The following HS6ST3 variants were observed in gnomAD, a reference collection of about 807,000 sequenced individuals.
HS6ST3 encodes the protein heparan sulfate 6-O-sulfotransferase 3.
HS6ST3 carries 12 observed loss-of-function variants against 36.7 expected under a neutral mutation model. The observed-to-expected ratio is 0.33, with a 90% CI of 0.21 to 0.53. The LOEUF (loss-of-function observed/expected upper bound fraction) is 0.53. HS6ST3 is among the 20% of genes least tolerant of loss of function. The pLI is 0.95. For synonymous variants in HS6ST3, 240 were observed against 257.5 expected (o/e 0.93, Z 0.65); for missense variants, 584 against 640.9 (o/e 0.91, Z 0.96).
At chr13:96,831,122 G>A (rs921755521) in intron 1 of HS6ST3, among the ~76,000 whole-genome samples, 1 of 152,260 alleles carries the variant, frequency 6.6e-6, no homozygotes, top group East Asian at 1.9e-4. Context: ...AATGCCTGCT[G>A]TTTCTCTTTC....
At chr13:96,596,505 G>GTA (rs941347628) in intron 1 of HS6ST3, among the ~76,000 whole-genome samples, 3 of 152,036 alleles carry the variant, frequency 2.0e-5, no homozygotes, top group Non-Finnish European at 4.4e-5. Context: ...ATCAAATGGT[G>GTA]TATCTATTTT....
chr13:96,559,377 C>T (rs9584384), intron 1 of HS6ST3, among the ~76,000 whole-genome samples: 14,915 of 152,078 alleles, frequency 0.098, 1,379 homozygotes, highest in African/African-American at 0.25. Context: ...CCTTGGCCTC[C>T]CAAAGTGCTA....
At chr13:96,478,096 G>T (rs1594789024) in intron 1 of HS6ST3, among the ~76,000 whole-genome samples, 1 of 152,112 alleles carries the variant, frequency 6.6e-6, no homozygotes, top group Non-Finnish European at 1.5e-5. Flanking sequence ...ATTAATATTT[G>T]CTCAGAGAGA....
chr13:96,561,227 GCTACACA>G (rs2056260837), intron 1 of HS6ST3, among the ~76,000 whole-genome samples: 2 of 152,080 alleles, frequency 1.3e-5, no homozygotes, highest in South Asian at 4.1e-4. Context: ...CAGAAATAAA[GCTACACA>G]CCCACAGCCA....
chr13:96,752,210 A>G (rs1382514205), intron 1 of HS6ST3, among the ~76,000 whole-genome samples: 2 of 152,138 alleles, frequency 1.3e-5, no homozygotes, highest in Non-Finnish European at 2.9e-5. Context: ...GGTTTCTAAC[A>G]TTTGTCCCTG....
chr13:96,285,984 C>T (rs2054800214), intron 1 of HS6ST3, among the ~76,000 whole-genome samples: 1 of 148,932 alleles, frequency 6.7e-6, no homozygotes, highest in South Asian at 2.2e-4. Context: ...TCCTCTTTCT[C>T]TCCCTCTTTC....
chr13:96,822,185 T>C (rs1252988310), intron 1 of HS6ST3, among the ~76,000 whole-genome samples: 1 of 152,184 alleles, frequency 6.6e-6, no homozygotes, highest in Non-Finnish European at 1.5e-5. Context: ...GAGACTGAAT[T>C]GGGCCTTATC....
At chr13:96,693,398 G>T (rs770310919) in intron 1 of HS6ST3, among the ~76,000 whole-genome samples, 1 of 152,038 alleles carries the variant, frequency 6.6e-6, no homozygotes, top group Non-Finnish European at 1.5e-5. Context: ...TCCACCTCCC[G>T]GGTTCAAGGA....
chr13:96,244,641 C>G (rs1234971865), intron 1 of HS6ST3, among the ~76,000 whole-genome samples: 1 of 152,162 alleles, frequency 6.6e-6, no homozygotes, highest in Non-Finnish European at 1.5e-5. Context: ...ATACTGTTTT[C>G]TTCACCTAGT....
intron 1 of HS6ST3, among the ~76,000 whole-genome samples, chr13:96,724,453 C>T (rs746410219): frequency 6.6e-6 from 1 of 152,158 alleles, no homozygotes; most frequent in African/African-American, 2.4e-5. Context: ...TCATTACAAT[C>T]AAGATACTGA....
chr13:96,485,460 C>T (rs1334568430), intron 1 of HS6ST3, among the ~76,000 whole-genome samples: 3 of 152,086 alleles, frequency 2.0e-5, no homozygotes, highest in Non-Finnish European at 4.4e-5. Context: ...CTGTAATTGT[C>T]TACAAGTTTC....
rs1203595829 is a variant in HS6ST3, at chr13:96,351,335, T to TTTTTTTTTTTTTTTTTTAAAA, written c.707+259766_707+259767insTTTTTTTTTTTTTTTTTAAAA. Among the ~76,000 whole-genome samples, 156 of 146,342 alleles carry TTTTTTTTTTTTTTTTTTAAAA rather than the reference T, an allele frequency of 1.1e-3. 3 individuals carry two copies. The highest frequency in any genetic ancestry group is 3.9e-3 in the African/African-American group (149 of 38,552). ...AGGTGGCAGTCTTTTTTTTTTTTTT[T>TTTTTTTTTTTTTTTTTTAAAA]AAAAAAAACAAGGTCTTGCTGGGTT... On this transcript the variant is annotated intron_variant, in intron 1 of 1. Coordinates refer to ENST00000376705, the MANE Select transcript of HS6ST3 (RefSeq NM_153456.4).
chr13:96,457,134 C>T (rs1411738351), intron 1 of HS6ST3, among the ~76,000 whole-genome samples: 1 of 152,074 alleles, frequency 6.6e-6, no homozygotes, highest in African/African-American at 2.4e-5. Context: ...AGAATCCCTG[C>T]TCTTATATTG....
chr13:96,132,256 G>A (rs543230687), intron 1 of HS6ST3, among the ~76,000 whole-genome samples: 2 of 151,848 alleles, frequency 1.3e-5, no homozygotes, highest in East Asian at 3.9e-4. Flanking sequence ...GTTCTACAAG[G>A]AACATGGGAG....
At chr13:96,242,124 G>T (rs1385938274) in intron 1 of HS6ST3, among the ~76,000 whole-genome samples, 1 of 151,928 alleles carries the variant, frequency 6.6e-6, no homozygotes, top group Non-Finnish European at 1.5e-5. Context: ...TGGGGGCCGG[G>T]CGCATAACTA....
intron 1 of HS6ST3, among the ~76,000 whole-genome samples, chr13:96,283,272 T>C (rs1044958766): frequency 5.3e-5 from 8 of 152,234 alleles, no homozygotes; most frequent in African/African-American, 1.9e-4. Context: ...TAAATCATTG[T>C]TGTTCTTGCT....
intron 1 of HS6ST3, among the ~76,000 whole-genome samples, chr13:96,621,269 A>C (rs929203942): frequency 6.6e-6 from 1 of 152,140 alleles, no homozygotes; most frequent in Non-Finnish European, 1.5e-5. Context: ...CCAGGTGTCG[A>C]GGGAGGGACC....
intron 1 of HS6ST3, among the ~76,000 whole-genome samples, chr13:96,178,897 G>A (rs746032826): frequency 6.6e-6 from 1 of 152,158 alleles, no homozygotes; most frequent in Non-Finnish European, 1.5e-5. Flanking sequence ...TATTGACCAG[G>A]TTTTATATAA....
intron 1 of HS6ST3, among the ~76,000 whole-genome samples, chr13:96,589,446 CT>C (rs770612831): frequency 1.3e-5 from 2 of 151,866 alleles, no homozygotes; most frequent in Admixed American, 1.3e-4. Context: ...TACAGCTAAA[CT>C]TTTTATCTGT....
Sources: gnomAD v4.1 joint callset for allele counts (sites outside exome capture counted in the v4.1 genomes callset) on GRCh38, gnomAD v4.1.1 for gene constraint, MANE v1.5 for transcripts, NCBI Gene and HGNC (gene_info 2026-07-23, HGNC 2026-07-21) for gene names.